FOXO1: variants seen among roughly 807,000 people sequenced by gnomAD.
FOXO1 encodes the protein forkhead box protein O1.
Under a neutral mutation model 44.1 loss-of-function variants are expected in FOXO1, and 6 were observed. The observed-to-expected ratio is 0.14, with a 90% confidence interval of 0.07 to 0.27. The LOEUF is 0.27. Ranked by LOEUF, FOXO1 falls within the 10% of genes least tolerant of loss-of-function variation. The probability of loss-of-function intolerance (pLI) is 1.00; values close to 1 mark genes in which losing one functional copy is unlikely to be tolerated. For synonymous variants in FOXO1, 380 were observed against 362.7 expected (o/e 1.05, Z -0.54); for missense variants, 737 against 888.8 (o/e 0.83, Z 2.17).
intron 1 of FOXO1, among the ~76,000 whole-genome samples, chr13:40,614,501 A>G (rs1732051395): frequency 6.6e-6 from 1 of 152,168 alleles, no homozygotes; most frequent in Admixed American, 6.6e-5. Context: ...TTCATTTTGT[A>G]AAGAGGAAAA....
At chr13:40,572,312 AACAGAGT>A (rs1379968525) in intron 1 of FOXO1, among the ~76,000 whole-genome samples, 1 of 152,144 alleles carries the variant, frequency 6.6e-6, no homozygotes, top group African/African-American at 2.4e-5. Flanking sequence ...ATTCTTAGTA[AACAGAGT>A]ACAAAGTCTA....
chr13:40,618,914 A>G, intron 1 of FOXO1: 1 of 526,648 alleles, frequency 1.9e-6, no homozygotes. Flanking sequence ...AGGCTCCCCT[A>G]GAGAAATAAC....
chr13:40,578,172 A>C (rs777994858), intron 1 of FOXO1, among the ~76,000 whole-genome samples: 1 of 152,214 alleles, frequency 6.6e-6, no homozygotes, highest in Non-Finnish European at 1.5e-5. Flanking sequence ...GGCCTCACTC[A>C]GGGAATGTGC....
intron 1 of FOXO1, among the ~76,000 whole-genome samples, chr13:40,625,507 G>A (rs1204691478): frequency 6.6e-6 from 1 of 152,178 alleles, no homozygotes; most frequent in East Asian, 1.9e-4. Context: ...AAATTCGTAT[G>A]TGGCCCGGTA....
intron 1 of FOXO1, among the ~76,000 whole-genome samples, chr13:40,647,774 T>C (rs1877557488): frequency 6.6e-6 from 1 of 152,212 alleles, no homozygotes; most frequent in Non-Finnish European, 1.5e-5. Flanking sequence ...CATTTTTCCC[T>C]GCTATATAGC....
chr13:40,611,150 C>A, intron 1 of FOXO1: 1 of 422,266 alleles, frequency 2.4e-6, no homozygotes. Flanking sequence ...AATGAGTGAG[C>A]AATATATTCT....
At chr13:40,590,555 G>T (rs1184964495) in intron 1 of FOXO1, among the ~76,000 whole-genome samples, 5 of 152,154 alleles carry the variant, frequency 3.3e-5, no homozygotes, top group African/African-American at 1.2e-4. Context: ...GATATACCAA[G>T]GATGAATCCC....
intron 1 of FOXO1, among the ~76,000 whole-genome samples, chr13:40,589,672 T>C (rs1179522003): frequency 3.3e-5 from 5 of 152,268 alleles, no homozygotes; most frequent in African/African-American, 1.2e-4. Context: ...AACAGAATCC[T>C]TTGAGCTTAT....
At chr13:40,619,718 C>T (rs1156363398) in intron 1 of FOXO1, 1 of 1,047,782 alleles carries the variant, frequency 9.5e-7, no homozygotes, top group Admixed American at 1.7e-5. Context: ...AAAAATTCAG[C>T]TGAAGGATCT....
chr13:40,632,724 C>T (rs763634911), intron 1 of FOXO1, among the ~76,000 whole-genome samples: 2 of 152,032 alleles, frequency 1.3e-5, no homozygotes, highest in Non-Finnish European at 2.9e-5. Context: ...AGGCAGACTA[C>T]CTGATGTCAG....
At chr13:40,621,305 C>T (rs1390993077) in intron 1 of FOXO1, 2 of 710,994 alleles carry the variant, frequency 2.8e-6, no homozygotes, top group Non-Finnish European at 4.3e-6. Flanking sequence ...CTTGTCCGAT[C>T]TGTCAGCAGC....
At chr13:40,642,138 A>G (rs899853995) in intron 1 of FOXO1, among the ~76,000 whole-genome samples, 5 of 152,256 alleles carry the variant, frequency 3.3e-5, no homozygotes, top group Admixed American at 3.3e-4. Flanking sequence ...AGACTAAAAT[A>G]AAAGGCATTT....
rs41286979 is a variant in FOXO1, at chr13:40,557,182, G to A, written c.*1867C>T. 1.3e-5 allele frequency: 2 copies of A among 152,322 alleles called. No homozygotes were observed. Among genetic ancestry groups the A allele is most frequent in the Non-Finnish European group, 2.9e-5 (2 of 68,034 alleles). The allele number at this position is 152,322 out of a possible 1,614,324, so 9.4% of individuals were successfully genotyped here. A position where few individuals can be genotyped will look rare whatever the true frequency, so the allele number is the denominator to read the frequency against. On this transcript the variant is annotated 3_prime_UTR_variant, in exon 3 of 3. Coordinates refer to ENST00000379561, the MANE Select transcript of FOXO1 (RefSeq NM_002015.4). ...ACAAGACAAAGCAAGTGTGATGTGG[G>A]CTATATACAGAAAAATTAGATCCTT...
At position 40,591,602 on chromosome 13, in the gene FOXO1, C is replaced by T. The variant is rs140771543; in HGVS notation, c.631-30742G>A. The stretch of plus-strand genomic sequence containing the variant: ...AGTGGAGACTAGCAGATGATACATT[C>T]TGGGTGGCTATAAATAAGAACGCTT... On this transcript the variant is annotated intron_variant, in intron 1 of 2. Coordinates refer to ENST00000379561, the MANE Select transcript of FOXO1 (RefSeq NM_002015.4). Among the ~76,000 whole-genome samples the T allele has an allele frequency of 4.7e-3, 719 of 152,290 alleles. 4 individuals are homozygous for T. The highest frequency in any genetic ancestry group is 0.016 in the African/African-American group (679 of 41,566).
intron 1 of FOXO1, among the ~76,000 whole-genome samples, chr13:40,569,226 G>A (rs1475110480): frequency 1.3e-5 from 2 of 152,240 alleles, no homozygotes; most frequent in Non-Finnish European, 2.9e-5. Flanking sequence ...GAAGCTTCAT[G>A]GACTTGGGAA....
intron 1 of FOXO1, among the ~76,000 whole-genome samples, chr13:40,577,287 A>G (rs1191774189): frequency 6.6e-6 from 1 of 152,194 alleles, no homozygotes; most frequent in Non-Finnish European, 1.5e-5. Context: ...GAATTCGATT[A>G]TAAACATTTT....
intron 1 of FOXO1, among the ~76,000 whole-genome samples, chr13:40,589,349 G>GA (rs1315290741): frequency 1.3e-5 from 2 of 151,588 alleles, no homozygotes; most frequent in Admixed American, 6.6e-5. Flanking sequence ...TGAAATTAAA[G>GA]AAAAAAAACT....
chr13:40,663,951 T>A, intron 1 of FOXO1, among the ~76,000 whole-genome samples: 1 of 152,164 alleles, frequency 6.6e-6, no homozygotes, highest in East Asian at 1.9e-4. Context: ...GAGTCCAATA[T>A]GAGAGGCGAA....
chr13:40,642,380 T>G (rs533993047), intron 1 of FOXO1, among the ~76,000 whole-genome samples: 1 of 152,320 alleles, frequency 6.6e-6, no homozygotes, highest in Non-Finnish European at 1.5e-5. Flanking sequence ...TCAATCAGTC[T>G]GTCTTCACTT....
Sources: gnomAD v4.1 joint callset for allele counts (sites outside exome capture counted in the v4.1 genomes callset) on GRCh38, gnomAD v4.1.1 for gene constraint, MANE v1.5 for transcripts, NCBI Gene and HGNC (gene_info 2026-07-23, HGNC 2026-07-21) for gene names.